The following DDX39B variants were observed in gnomAD, a reference collection of about 807,000 sequenced individuals.
DDX39B encodes spliceosome RNA helicase DDX39B.
In DDX39B, 6 loss-of-function variants were observed where a neutral mutation model predicts 46.4. That is an observed-to-expected ratio of 0.13 (90% CI 0.07 to 0.26). The LOEUF is 0.26. Ranked by LOEUF, DDX39B falls within the 10% of genes least tolerant of loss-of-function variation. DDX39B has a pLI of 1.00. For synonymous variants in DDX39B, 174 were observed against 199.4 expected (o/e 0.87, Z 1.07); for missense variants, 185 against 553.4 (o/e 0.33, Z 6.68).
Position 31,531,951 on chromosome 6 carries a change from G to C in DDX39B, c.868-546C>G, listed in dbSNP as rs751665648. 6.6e-6 allele frequency among the ~76,000 whole-genome samples: 1 copy of C among 152,082 alleles called. No individual in the cohort carries two copies. The highest frequency in any genetic ancestry group is 2.4e-5 in the African/African-American group (1 of 41,410). On this transcript the variant is annotated intron_variant, in intron 7 of 10. Coordinates refer to ENST00000396172, the MANE Select transcript of DDX39B (RefSeq NM_004640.7). The surrounding 1 kb of genome is among the most constrained non-coding windows in gnomAD (Gnocchi z 5.8). ...TTCCACCTCAGCATCCCAAGCAGCT[G>C]GGACCACAGGTGCACACCACCACGC... is the stretch of plus-strand genomic sequence containing the variant.
At chr6:31,532,532 G>GC in intron 7 of DDX39B, 1 of 407,602 alleles carries the variant, frequency 2.5e-6, no homozygotes, top group South Asian at 2.7e-5. Flanking sequence ...AAGCCACCGT[G>GC]CCTGGCCAAG....
chr6:31,533,039 C>A, intron 6 of DDX39B, 128 bp from the exon 7 acceptor site: 1 of 618,682 alleles, frequency 1.6e-6, no homozygotes, highest in Non-Finnish European at 3.0e-6. Flanking sequence ...AGATTGAAAA[C>A]CCCACCCCAC....
chr6:31,539,080 G>C (rs755185820), intron 3 of DDX39B, 67 bp downstream of exon 3: 7 of 1,612,920 alleles, frequency 4.3e-6, no homozygotes, highest in Admixed American at 1.7e-5. Context: ...CATGTAGCTA[G>C]GACAAAAACA....
At chr6:31,533,858 A>G (rs770942961) in intron 6 of DDX39B, 2 of 152,310 alleles carry the variant, frequency 1.3e-5, no homozygotes, top group Non-Finnish European at 2.9e-5. Context: ...ACAAAGACAG[A>G]AATTACCACA....
At chr6:31,541,059 T>C (rs7738430) in intron 1 of DDX39B, 20,033 of 525,334 alleles carry the variant, frequency 0.038, 621 homozygotes, top group South Asian at 0.081. Context: ...AAGACTCCGC[T>C]TTCCCTATTA....
chr6:31,537,927 C>T (rs2150340294), intron 4 of DDX39B, among the ~76,000 whole-genome samples: 1 of 152,078 alleles, frequency 6.6e-6, no homozygotes, highest in South Asian at 2.1e-4. Context: ...CCCAGCTACT[C>T]GGGGGGTTGA....
At chr6:31,537,557 C>T (rs911463839) in intron 4 of DDX39B, among the ~76,000 whole-genome samples, 2 of 152,170 alleles carry the variant, frequency 1.3e-5, no homozygotes, top group Non-Finnish European at 2.9e-5. Flanking sequence ...ACACAAACCC[C>T]ATGAAATTAC....
chr6:31,540,456 C>T lies in DDX39B; in HGVS notation c.77G>A (p.Gly26Glu), dbSNP rs1768280169. The T allele has an allele frequency of 6.2e-7, 1 of 1,614,146 alleles. No homozygotes were observed. The highest frequency in any genetic ancestry group is 8.5e-7 in the Non-Finnish European group (1 of 1,180,040). ...DEVETAAGGD[G>E]AEAPAKKDVK... ...ATCCTTCTTGGCAGGGGCCTCAGCC[C>T]CATCTCCCCCAGCTGCTGTCTCCAC... Residue 26 changes from glycine (G) to glutamate (E), a missense_variant, in exon 2 of 11, where the codon GGG becomes GAG. Transcript: ENST00000396172.
In DDX39B at chr6:31,534,601, G is replaced by A. The variant is rs2150333232; in HGVS notation, c.735+766C>T. On this transcript the variant is annotated intron_variant, in intron 6 of 10. Coordinates refer to ENST00000396172, the MANE Select transcript of DDX39B (RefSeq NM_004640.7). This position sits in a 1 kb window ranked among gnomAD's most constrained non-coding sequence, Gnocchi z 5.1. ...CCCAACACATATTGGGGGAAACGGG[G>A]CACGGCACGCGTTGGGTTCAGGAAA... 2.3e-6 allele frequency: 1 copy of A among 429,180 alleles called. No homozygotes were observed. The highest frequency in any genetic ancestry group is 2.9e-5 in the Admixed American group (1 of 34,070). 26.6% of individuals were successfully genotyped at this position (429,180 alleles called of 1,614,324 possible).
intron 1 of DDX39B, chr6:31,541,050 A>C: frequency 1.9e-6 from 1 of 521,136 alleles, no homozygotes; most frequent in Non-Finnish European, 4.0e-6. Flanking sequence ...CCTCAAAGGA[A>C]GACTCCGCTT....
At chr6:31,541,419 C>G (rs970957126) in intron 1 of DDX39B, 3 of 370,622 alleles carry the variant, frequency 8.1e-6, no homozygotes, top group Admixed American at 3.7e-5. Context: ...ATCACTGTTA[C>G]GCTACGAAGG....
At chr6:31,536,427 G>T in intron 5 of DDX39B, 73 bp downstream of exon 5, 1 of 1,604,424 alleles carries the variant, frequency 6.2e-7, no homozygotes. Context: ...AGGTGCTCCT[G>T]TTTCAAATAA....
chr6:31,536,859 T>C (rs150433544), intron 4 of DDX39B, among the ~76,000 whole-genome samples, 176 bp from the exon 5 acceptor site: 3 of 152,338 alleles, frequency 2.0e-5, no homozygotes, highest in East Asian at 1.9e-4. Context: ...CTGAGGGTGA[T>C]TGCCTAAAGT....
chr6:31,533,182 T>C, intron 6 of DDX39B: 3 of 378,238 alleles, frequency 7.9e-6, no homozygotes, highest in South Asian at 7.1e-5. Context: ...CAAGGAGCAG[T>C]GAAACCACCC....
At chr6:31,532,955 G>A (rs778246801) in intron 6 of DDX39B, 44 bp from the exon 7 acceptor site, 3 of 320,524 alleles carry the variant, frequency 9.4e-6, no homozygotes, top group African/African-American at 2.5e-5. Context: ...AGGGCAGAGT[G>A]GGGGGGTTAA....
rs758717148 is a variant in DDX39B, at chr6:31,539,286, G to T, written c.212-12C>A. On this transcript the variant is annotated splice_polypyrimidine_tract_variant and intron_variant, in intron 2 of 10. Coordinates refer to ENST00000396172, the MANE Select transcript of DDX39B (RefSeq NM_004640.7). ...GCACTCATGCTGGACTAAAAGTTGG[G>T]GGGGGAGGAAGATAAATTAGACTTC... The T allele has an allele frequency of 1.9e-6, 3 of 1,607,092 alleles. No homozygotes were observed. Among genetic ancestry groups the T allele is most frequent in the East Asian group, 4.5e-5 (2 of 44,710 alleles).
chr6:31,530,705 T>A lies in DDX39B; in HGVS notation c.1270+74A>T, dbSNP rs1314301758. 2.6e-6 allele frequency: 4 copies of A among 1,568,318 alleles called. No individual in the cohort carries two copies. The highest frequency in any genetic ancestry group is 3.5e-6 in the Non-Finnish European group (4 of 1,153,692). ...CATTATGCATCAGATGCCCATGACC[T>A]ATGTGATGGGATTTCGGACAAACAC... is the stretch of plus-strand genomic sequence containing the variant. On this transcript the variant is annotated intron_variant, in intron 10 of 10. Transcript: ENST00000396172. The surrounding 1 kb of genome is among the most constrained non-coding windows in gnomAD (Gnocchi z 4.5).
rs9267483 is a variant in DDX39B, at chr6:31,537,229, C to G, written c.433-546G>C. On this transcript the variant is annotated intron_variant, in intron 4 of 10. Transcript: ENST00000396172. ...TCACTTGAAGCCAGGAGTTCAAGACCAGCCTGGCCAACACGGTGAAACCCC... is the reference window on the plus strand; with the variant it reads ...TCACTTGAAGCCAGGAGTTCAAGACGAGCCTGGCCAACACGGTGAAACCCC... Among the ~76,000 whole-genome samples the G allele has an allele frequency of 9.6e-3, 1,469 of 152,278 alleles. 13 individuals carry two copies. Among genetic ancestry groups the G allele is most frequent in the Middle Eastern group, 0.017 (5 of 294 alleles).
At chr6:31,541,277 G>A (rs549341102) in intron 1 of DDX39B, 4 of 508,128 alleles carry the variant, frequency 7.9e-6, no homozygotes, top group South Asian at 4.3e-5. Context: ...GGGGAGGGGC[G>A]GTGCAAGACA....
Sources: allele counts gnomAD v4.1 joint callset (sites outside exome capture counted in the v4.1 genomes callset), GRCh38; gene constraint gnomAD v4.1.1; non-coding constraint Gnocchi (gnomAD v3.1); transcripts MANE v1.5; gene names NCBI Gene and HGNC (gene_info 2026-07-23, HGNC 2026-07-21).